ATXN1: variants seen among roughly 807,000 people sequenced by gnomAD.
ATXN1 encodes ataxin 1.
In ATXN1, 8 loss-of-function variants were observed where a neutral mutation model predicts 56.4. The observed-to-expected ratio is 0.14, with a 90% confidence interval of 0.08 to 0.26. ATXN1 has a LOEUF of 0.26. Ranked by LOEUF, ATXN1 falls within the 10% of genes least tolerant of loss-of-function variation. The probability of loss-of-function intolerance (pLI) is 1.00; values close to 1 mark genes in which losing one functional copy is unlikely to be tolerated. For synonymous variants in ATXN1, 514 were observed against 494.6 expected (o/e 1.04, Z -0.52); for missense variants, 987 against 1,106.5 (o/e 0.89, Z 1.53).
chr6:16,550,155 C>CAAAAAAAAAAAAAAAAAAAAAAAAAAA (rs70999336), intron 4 of ATXN1, among the ~76,000 whole-genome samples: 5 of 91,166 alleles, frequency 5.5e-5, no homozygotes, highest in Non-Finnish European at 9.2e-5. Context: ...AAATAAAATA[C>CAAAAAAAAAAAAAAAAAAAAAAAAAAA]AAAAAAAAAA....
intron 6 of ATXN1, among the ~76,000 whole-genome samples, chr6:16,439,389 GTTGGGGT>G (rs1759466305): frequency 2.1e-5 from 1 of 46,712 alleles, no homozygotes; most frequent in Non-Finnish European, 4.5e-5. Flanking sequence ...GGGAATAAGG[GTTGGGGT>G]GGGGTGGGGA....
chr6:16,554,923 G>A (rs551639532), intron 4 of ATXN1, among the ~76,000 whole-genome samples: 2 of 152,144 alleles, frequency 1.3e-5, no homozygotes, highest in African/African-American at 2.4e-5. Flanking sequence ...CTCCATCATC[G>A]TGACTATAGT....
intron 7 of ATXN1, among the ~76,000 whole-genome samples, chr6:16,308,550 G>T (rs1760313634): frequency 6.6e-6 from 1 of 152,130 alleles, no homozygotes; most frequent in Admixed American, 6.6e-5. Context: ...CCAAGGGAGG[G>T]TGTTCTCTGG....
chr6:16,317,242 C>T (rs1341609907), intron 7 of ATXN1, among the ~76,000 whole-genome samples: 2 of 152,090 alleles, frequency 1.3e-5, no homozygotes, highest in African/African-American at 4.8e-5. Context: ...CTCAATATAG[C>T]CCATTTTTTC....
At chr6:16,319,282 G>A (rs1327309987) in intron 7 of ATXN1, among the ~76,000 whole-genome samples, 2 of 152,084 alleles carry the variant, frequency 1.3e-5, no homozygotes, top group Non-Finnish European at 2.9e-5. Context: ...TGAGCTATCA[G>A]AGCAACAAGA....
At chr6:16,441,960 T>G (rs1245897420) in intron 6 of ATXN1, among the ~76,000 whole-genome samples, 1 of 152,144 alleles carries the variant, frequency 6.6e-6, no homozygotes, top group Non-Finnish European at 1.5e-5. Context: ...ATGCTTAAAA[T>G]CGTGACTGAA....
At position 16,388,954 on chromosome 6, in the gene ATXN1, A is replaced by T. The variant is rs556792121; in HGVS notation, c.-160-60484T>A. ...AGAGACTTTCTATTTTACTTTGTTT[A>T]TACTGCCCTCCTGACCAATGCTGTC... On this transcript the variant is annotated intron_variant, in intron 6 of 7. Transcript: ENST00000436367. 6.6e-5 allele frequency among the ~76,000 whole-genome samples: 10 copies of T among 152,336 alleles called. No homozygotes were observed. The South Asian group carries it at 1.7e-3, about 25-fold the overall frequency.
At chr6:16,639,889 T>C (rs1193220042) in intron 3 of ATXN1, among the ~76,000 whole-genome samples, 1 of 152,194 alleles carries the variant, frequency 6.6e-6, no homozygotes, top group East Asian at 1.9e-4. Flanking sequence ...TGGAGGCCTA[T>C]GATTCACCAA....
intron 6 of ATXN1, among the ~76,000 whole-genome samples, chr6:16,464,700 A>G (rs968010267): frequency 1.3e-5 from 2 of 151,886 alleles, no homozygotes; most frequent in Non-Finnish European, 2.9e-5. Flanking sequence ...ATACTGTATG[A>G]TTCCAACTTT....
chr6:16,344,677 T>C (rs1303901628), intron 6 of ATXN1, among the ~76,000 whole-genome samples: 1 of 152,240 alleles, frequency 6.6e-6, no homozygotes, highest in Non-Finnish European at 1.5e-5. Flanking sequence ...TCCCTACTTT[T>C]GAGGTCTTGG....
At chr6:16,721,165 C>G (rs992670107) in intron 2 of ATXN1, among the ~76,000 whole-genome samples, 1 of 152,162 alleles carries the variant, frequency 6.6e-6, no homozygotes, top group South Asian at 2.1e-4. Context: ...ACACATTTCC[C>G]CAAATGTTCC....
intron 6 of ATXN1, among the ~76,000 whole-genome samples, chr6:16,433,798 T>C (rs1759335307): frequency 6.6e-6 from 1 of 152,228 alleles, no homozygotes; most frequent in African/African-American, 2.4e-5. Context: ...TCTGCAGACC[T>C]GGGTCTCAGC....
chr6:16,716,659 T>C (rs1759648065), intron 2 of ATXN1, among the ~76,000 whole-genome samples: 1 of 152,352 alleles, frequency 6.6e-6, no homozygotes, highest in Admixed American at 6.5e-5. Flanking sequence ...GATCAGATAG[T>C]AGATATTTCA....
intron 6 of ATXN1, among the ~76,000 whole-genome samples, chr6:16,389,207 C>T (rs532304269): frequency 2.6e-5 from 4 of 152,032 alleles, no homozygotes; most frequent in South Asian, 2.1e-4. Flanking sequence ...CGTGGTGGCA[C>T]GCGCCTGTCA....
At position 16,545,119 on chromosome 6, in the gene ATXN1, T is replaced by C. The variant is rs559661776; in HGVS notation, c.-360-22431A>G. 7.2e-5 allele frequency among the ~76,000 whole-genome samples: 11 copies of C among 152,268 alleles called. No homozygotes were observed. In the East Asian group the frequency reaches 1.5e-3, roughly 21 times the overall value. ...TTTTTCAACTTCCTTTCTTGAAACA[T>C]AGCTGATGAGGCCACTAATAGAAGC... is the stretch of plus-strand genomic sequence containing the variant. On this transcript the variant is annotated intron_variant, in intron 4 of 7. Transcript: ENST00000436367.
At chr6:16,414,924 T>G (rs1455983407) in intron 6 of ATXN1, among the ~76,000 whole-genome samples, 4 of 152,220 alleles carry the variant, frequency 2.6e-5, no homozygotes, top group Non-Finnish European at 5.9e-5. Context: ...TTCAGCACAA[T>G]GGACTAAAAG....
chr6:16,682,690 T>C (rs536497312), intron 2 of ATXN1, among the ~76,000 whole-genome samples: 1 of 152,276 alleles, frequency 6.6e-6, no homozygotes, highest in East Asian at 1.9e-4. Context: ...TTAAAGTACA[T>C]GTGCAAGGGA....
At chr6:16,576,058 T>G (rs1762414212) in intron 4 of ATXN1, among the ~76,000 whole-genome samples, 3 of 151,802 alleles carry the variant, frequency 2.0e-5, no homozygotes, top group Non-Finnish European at 4.4e-5. Context: ...CTTTATATAG[T>G]GACTATGTGC....
intron 4 of ATXN1, among the ~76,000 whole-genome samples, chr6:16,575,055 G>A (rs191099500): frequency 1.3e-4 from 20 of 152,048 alleles, no homozygotes; most frequent in Non-Finnish European, 8.8e-5. Context: ...GAGATGACAC[G>A]CCCTTCTCAG....
Sources: gnomAD v4.1 joint callset for allele counts (sites outside exome capture counted in the v4.1 genomes callset) on GRCh38, gnomAD v4.1.1 for gene constraint, MANE v1.5 for transcripts, NCBI Gene and HGNC (gene_info 2026-07-23, HGNC 2026-07-21) for gene names.